Variants in MYH9 observed in about 807,000 individuals in gnomAD.
MYH9 encodes the protein myosin-9.
A neutral mutation model predicts 241.9 loss-of-function variants in MYH9; 29 were observed. The ratio of observed to expected loss-of-function variants is 0.12; its 90% CI spans 0.09 to 0.16. MYH9 has a LOEUF of 0.16. Among genes scored for constraint, MYH9 ranks in the 10% least tolerant of loss-of-function variants. The pLI is 1.00. For missense variants in MYH9, 1,803 were observed against 2,595.5 expected (o/e 0.69, Z 6.63); for synonymous variants, 1,047 against 1,062.6 (o/e 0.99, Z 0.29).
chr22:36,294,329 G>C (rs764232455), intron 27 of MYH9, 31 bp from the exon 28 acceptor site: 7 of 1,607,080 alleles, frequency 4.4e-6, no homozygotes, highest in African/African-American at 2.7e-5. Context: ...GACGTGAGTG[G>C]GGGCCTCCTG....
Position 36,293,072 on chromosome 22 carries a change from A to G in MYH9, c.4095+257T>C, listed in dbSNP as rs181419447. Among the ~76,000 whole-genome samples, 5 of 152,252 alleles carry G rather than the reference A, an allele frequency of 3.3e-5. No individual in the cohort carries two copies. The highest frequency in any genetic ancestry group is 9.6e-5 in the African/African-American group (4 of 41,474). On this transcript the variant is annotated intron_variant, in intron 30 of 40. Transcript: ENST00000216181. This position sits in a 1 kb window ranked among gnomAD's most constrained non-coding sequence, Gnocchi z 5.1. ...TGCTGCCTACATCCATAATGGAAGC[A>G]ATGCTGAATTTCAGCTAAAGACTGG...
At chr22:36,374,413 G>A (rs939513727) in intron 1 of MYH9, among the ~76,000 whole-genome samples, 13 of 152,346 alleles carry the variant, frequency 8.5e-5, no homozygotes, top group South Asian at 6.2e-4. Flanking sequence ...CCGGCTACTC[G>A]GGAGGCTGAG....
chr22:36,306,683 G>A lies in MYH9; in HGVS notation c.1844-76C>T. The A allele has an allele frequency of 7.2e-7, 1 of 1,394,236 alleles. No individual in the cohort carries two copies. The highest frequency in any genetic ancestry group is 9.9e-7 in the Non-Finnish European group (1 of 1,005,530). The allele number at this position is 1,394,236 out of a possible 1,614,324, so 86.4% of individuals were successfully genotyped here. ...GGTGGGGGAGCACGTAGGAGAGAGA[G>A]ACAGGCACACGTCGGACAGGAAAAG... On this transcript the variant is annotated intron_variant, in intron 15 of 40. Transcript: ENST00000216181. This position sits in a 1 kb window ranked among gnomAD's most constrained non-coding sequence, Gnocchi z 4.1.
At position 36,282,320 on chromosome 22, in the gene MYH9, A is replaced by G; in HGVS notation, c.*348T>C. On this transcript the variant is annotated 3_prime_UTR_variant, in exon 41 of 41. Transcript: ENST00000216181. ...AGTCTGAAGAAAAATAGATTCATAG[A>G]AAACTCTGGCCCCTCCCCGGGGGCC... 1 of 447,188 alleles carries G rather than the reference A, an allele frequency of 2.2e-6. No homozygotes were observed. The highest frequency in any genetic ancestry group is 3.8e-5 in the East Asian group (1 of 26,438). The allele number at this position is 447,188 out of a possible 1,614,324, so 27.7% of individuals were successfully genotyped here.
chr22:36,352,088 C>T lies in MYH9; in HGVS notation c.-19-2833G>A, dbSNP rs372957736. Reference sequence around the variant, plus strand: ...ATGGAGTGGGACGCTAACCCAGGGACGCCTGGCTCCTGTGCCTGGCCTCCT... The same window carrying T: ...ATGGAGTGGGACGCTAACCCAGGGATGCCTGGCTCCTGTGCCTGGCCTCCT... On this transcript the variant is annotated intron_variant, in intron 1 of 40. Transcript: ENST00000216181. Among the ~76,000 whole-genome samples, 116 of 152,310 alleles carry T rather than the reference C, an allele frequency of 7.6e-4. 2 individuals are homozygous for T. The South Asian group carries it at 0.023, about 30-fold the overall frequency.
At position 36,281,510 on chromosome 22, in the gene MYH9, A is replaced by T; in HGVS notation, c.*1158T>A. ...TGATTTGAGAGTTTGTTTCCTTTAA[A>T]AAAAAAAAATGCCTTCTTGCCGTAA... On this transcript the variant is annotated 3_prime_UTR_variant, in exon 41 of 41. Coordinates refer to ENST00000216181, the MANE Select transcript of MYH9 (RefSeq NM_002473.6). 1 of 227,346 alleles carries T rather than the reference A, an allele frequency of 4.4e-6. No homozygotes were observed. The highest frequency in any genetic ancestry group is 5.7e-5 in the Admixed American group (1 of 17,552). 14.1% of individuals were successfully genotyped at this position (227,346 alleles called of 1,614,324 possible).
At position 36,295,767 on chromosome 22, in the gene MYH9, G is replaced by A; in HGVS notation, c.3273-50C>T. 1 of 1,544,316 alleles carries A rather than the reference G, an allele frequency of 6.5e-7. No homozygotes were observed. Among genetic ancestry groups the A allele is most frequent in the Non-Finnish European group, 8.8e-7 (1 of 1,130,476 alleles). ...GTATAAGGAGAGTTTCACCTCCAAG[G>A]AGCAGAGTTTGCAGGACAGGCCTGA... On this transcript the variant is annotated intron_variant, in intron 25 of 40. Transcript: ENST00000216181. This position sits in a 1 kb window ranked among gnomAD's most constrained non-coding sequence, Gnocchi z 4.1.
chr22:36,337,282 A>G (rs575616732), intron 3 of MYH9, among the ~76,000 whole-genome samples: 19 of 152,352 alleles, frequency 1.2e-4, no homozygotes, highest in African/African-American at 4.6e-4. Flanking sequence ...TACAGTGCTC[A>G]GGAAGATCCC....
At chr22:36,357,393 A>G (rs1164345178) in intron 1 of MYH9, among the ~76,000 whole-genome samples, 1 of 152,202 alleles carries the variant, frequency 6.6e-6, no homozygotes, top group Non-Finnish European at 1.5e-5. Context: ...ATGCCACGGC[A>G]CTATGGCTAT....
chr22:36,330,218 A>G lies in MYH9; in HGVS notation c.491-2730T>C, dbSNP rs1385908236. On this transcript the variant is annotated intron_variant, in intron 3 of 40. Transcript: ENST00000216181. This position sits in a 1 kb window ranked among gnomAD's most constrained non-coding sequence, Gnocchi z 4.5. ...TCAACACAGCCTAACCATACCTTAA[A>G]GAAATCTGGATTTGTTCTGCCAGGA... Among the ~76,000 whole-genome samples the G allele has an allele frequency of 2.0e-5, 3 of 152,216 alleles. No individual in the cohort carries two copies. Among genetic ancestry groups the G allele is most frequent in the African/African-American group, 7.2e-5 (3 of 41,440 alleles).
At position 36,360,030 on chromosome 22, in the gene MYH9, ACACCACCACCACCAC is replaced by A. The variant is rs136207; in HGVS notation, c.-19-10790_-19-10776del. ...TTTCCTAGCTTTAGAATGAGGACAAACACCACCACCACCACCACCACCACCACCACCACCACCACC... is the reference window on the plus strand; with the variant it reads ...TTTCCTAGCTTTAGAATGAGGACAAACACCACCACCACCACCACCACCACC... On this transcript the variant is annotated intron_variant, in intron 1 of 40. Coordinates refer to ENST00000216181, the MANE Select transcript of MYH9 (RefSeq NM_002473.6). 2.8e-3 allele frequency among the ~76,000 whole-genome samples: 286 copies of A among 102,244 alleles called. 1 individual carries two copies. The highest frequency in any genetic ancestry group is 3.7e-3 in the Non-Finnish European group (175 of 47,308). The allele number at this position is 102,244 out of a possible 152,430, so 67.1% of individuals were successfully genotyped here.
chr22:36,289,487 C>T (rs924596940), intron 31 of MYH9, among the ~76,000 whole-genome samples, 190 bp from the exon 32 acceptor site: 5 of 152,258 alleles, frequency 3.3e-5, no homozygotes, highest in African/African-American at 1.2e-4. Context: ...GATGGGATGA[C>T]TGCCGACTGG....
At chr22:36,327,605 G>A (rs2146370295) in intron 3 of MYH9, 117 bp from the exon 4 acceptor site, 7 of 1,233,018 alleles carry the variant, frequency 5.7e-6, no homozygotes, top group Admixed American at 3.6e-5. Flanking sequence ...TGCTGTCTTT[G>A]TGGGGATCTC....
chr22:36,294,871 T>C (rs1169873846), intron 27 of MYH9, 61 bp downstream of exon 27: 19 of 1,600,652 alleles, frequency 1.2e-5, no homozygotes, highest in Non-Finnish European at 1.5e-5. Flanking sequence ...CTGGTTTGGA[T>C]TCTGTGGGCC....
In MYH9 at chr22:36,316,222, C is replaced by T. The variant is rs5756148; in HGVS notation, c.1380+295G>A. The stretch of plus-strand genomic sequence containing the variant: ...CCGGCTAATGTATTTTTAGTAGAGA[C>T]GGGGTTTCTCCATGTTGGTCAGGCT... On this transcript the variant is annotated intron_variant, in intron 12 of 40. Coordinates refer to ENST00000216181, the MANE Select transcript of MYH9 (RefSeq NM_002473.6). 0.53 allele frequency among the ~76,000 whole-genome samples: 80,450 copies of T among 150,636 alleles called. 23,909 individuals carry two copies. Among genetic ancestry groups the T allele is most frequent in the Non-Finnish European group, 0.68 (45,785 of 67,752 alleles).
Position 36,284,482 on chromosome 22 carries a change from C to T in MYH9, c.5513G>A (p.Arg1838His), listed in dbSNP as rs1228543932. The change falls in exon 39 of 41, where the codon CGT becomes CAT. Residue 1838 changes from arginine (R) to histidine (H), a missense_variant. Physicochemically the swap from Arg to His is conservative, Grantham distance 29. This residue lies in a region of MYH9 where 876 missense variants were observed against 1,077.8 expected (regional missense o/e 0.81). Coordinates refer to ENST00000216181, the MANE Select transcript of MYH9 (RefSeq NM_002473.6). ...KERQAACKQVRRTEKKLKDVL... is the reference protein window; with the variant it reads ...KERQAACKQVHRTEKKLKDVL... ...ATCCTTCAGCTTCTTCTCGGTCCGA[C>T]GCACCTGTTTGCAGGCTGCCTGGCG... 8.1e-6 allele frequency: 13 copies of T among 1,613,166 alleles called. No individual in the cohort carries two copies. The highest frequency in any genetic ancestry group is 1.3e-5 in the African/African-American group (1 of 74,924).
intron 7 of MYH9, among the ~76,000 whole-genome samples, chr22:36,321,508 A>C (rs1326549268): frequency 1.3e-5 from 2 of 152,182 alleles, no homozygotes; most frequent in Non-Finnish European, 2.9e-5. Context: ...TCTGGGAGCC[A>C]CACTAGACGG....
intron 1 of MYH9, among the ~76,000 whole-genome samples, chr22:36,374,520 AAAT>A (rs987652694): frequency 4.6e-5 from 7 of 152,230 alleles, no homozygotes; most frequent in Admixed American, 3.9e-4. Flanking sequence ...ACTCTGTTTC[AAAT>A]AATAATAATA....
At chr22:36,354,835 T>C (rs1466610047) in intron 1 of MYH9, among the ~76,000 whole-genome samples, 1 of 151,896 alleles carries the variant, frequency 6.6e-6, no homozygotes, top group African/African-American at 2.4e-5. Context: ...GGATGTCCCA[T>C]CCAATTGTTT....
Sources: allele counts gnomAD v4.1 joint callset (sites outside exome capture counted in the v4.1 genomes callset), GRCh38; gene constraint gnomAD v4.1.1; regional missense constraint gnomAD v4.1.1; non-coding constraint Gnocchi (gnomAD v3.1); transcripts MANE v1.5; gene names NCBI Gene and HGNC (gene_info 2026-07-23, HGNC 2026-07-21).